Variants in SNTB1 observed in about 807,000 individuals in gnomAD.
SNTB1 encodes syntrophin beta 1.
SNTB1 carries 36 observed loss-of-function variants against 48.9 expected under a neutral mutation model. That is an observed-to-expected ratio of 0.74 (90% CI 0.56 to 0.97). The LOEUF (loss-of-function observed/expected upper bound fraction) is 0.97. Among genes scored for constraint, SNTB1 ranks in the 50% least tolerant of loss-of-function variants. The pLI is 0.00. For missense variants in SNTB1, 786 were observed against 703.4 expected (o/e 1.12, Z -1.33); for synonymous variants, 299 against 294.6 (o/e 1.01, Z -0.15).
chr8:120,786,308 C>A (rs559723538), intron 1 of SNTB1, among the ~76,000 whole-genome samples: 1 of 152,312 alleles, frequency 6.6e-6, no homozygotes, highest in East Asian at 1.9e-4. Context: ...AGGCCTTGCA[C>A]CCCTGCACTT....
rs567885933 is a variant in SNTB1 at position 120,615,934 on chromosome 8, A to G, written c.996+16510T>C. 2.0e-5 allele frequency among the ~76,000 whole-genome samples: 3 copies of G among 151,680 alleles called. No individual in the cohort carries two copies. The East Asian group carries it at 5.8e-4, about 29-fold the overall frequency. ...CTTTATCTTTTCTTCTTTCTTTCCT[A>G]CCAATTTTTTCCTTAACTGGATGTA... On this transcript the variant is annotated intron_variant, in intron 3 of 6. Coordinates refer to ENST00000517992, the MANE Select transcript of SNTB1 (RefSeq NM_021021.4).
chr8:120,611,641 TG>T (rs1816624846), intron 3 of SNTB1, among the ~76,000 whole-genome samples: 1 of 151,618 alleles, frequency 6.6e-6, no homozygotes, highest in South Asian at 2.1e-4. Flanking sequence ...GCTAACACGG[TG>T]AAACCCCATT....
At chr8:120,811,154 AC>A (rs1820420730) in intron 1 of SNTB1, 118 bp downstream of exon 1, 1 of 1,296,304 alleles carries the variant, frequency 7.7e-7, no homozygotes, top group African/African-American at 1.5e-5. Flanking sequence ...ACACACACAC[AC>A]CCGGCCCCCT....
chr8:120,558,493 C>T (rs1397315712), intron 4 of SNTB1, among the ~76,000 whole-genome samples: 1 of 152,174 alleles, frequency 6.6e-6, no homozygotes, highest in Non-Finnish European at 1.5e-5. Flanking sequence ...AACACATTCC[C>T]ATGGTTGGAA....
At chr8:120,774,624 G>C (rs1017520053) in intron 1 of SNTB1, among the ~76,000 whole-genome samples, 1 of 152,078 alleles carries the variant, frequency 6.6e-6, no homozygotes, top group Admixed American at 6.6e-5. Flanking sequence ...CCAAAGAAGA[G>C]GAGGGTTTGT....
chr8:120,702,938 TA>T (rs1433036461), intron 1 of SNTB1, among the ~76,000 whole-genome samples: 1 of 152,216 alleles, frequency 6.6e-6, no homozygotes, highest in Admixed American at 6.5e-5. Context: ...GTTATAAGGT[TA>T]TGAGGATTAA....
chr8:120,735,838 A>T (rs1563584654), intron 1 of SNTB1, among the ~76,000 whole-genome samples: 1 of 152,228 alleles, frequency 6.6e-6, no homozygotes, highest in Admixed American at 6.5e-5. Context: ...AACAGGCAGG[A>T]GGCAGGAAGA....
In SNTB1 at chr8:120,596,220, A is replaced by T. The variant is rs187631628; in HGVS notation, c.997-20995T>A. Among the ~76,000 whole-genome samples, 17 of 152,330 alleles carry T rather than the reference A, an allele frequency of 1.1e-4. No individual in the cohort carries two copies. In the East Asian group the frequency reaches 3.3e-3, roughly 29 times the overall value. On this transcript the variant is annotated intron_variant, in intron 3 of 6. Coordinates refer to ENST00000517992, the MANE Select transcript of SNTB1 (RefSeq NM_021021.4). ...ATTTTCCAGTGTCTCTCTACATAACATGCATACATTAAGGCACACATTCAC... is the reference window on the plus strand; with the variant it reads ...ATTTTCCAGTGTCTCTCTACATAACTTGCATACATTAAGGCACACATTCAC...
Position 120,811,721 on chromosome 8 carries a change from C to G in SNTB1, c.123G>C (p.Leu41Phe). ...RDRWHKVLVN[L>F]SEDALVLSSE... ...TGCTCAGAACCAGGGCGTCCTCGCT[C>G]AAGTTCACCAGAACTTTGTGCCAGC... Residue 41 changes from leucine (L) to phenylalanine (F), a missense_variant, in exon 1 of 7, where the codon TTG becomes TTC. Physicochemically the swap from Leu to Phe is conservative, Grantham distance 22. Coordinates refer to ENST00000517992, the MANE Select transcript of SNTB1 (RefSeq NM_021021.4). The G allele has an allele frequency of 1.3e-6, 2 of 1,574,226 alleles. No individual in the cohort carries two copies. The highest frequency in any genetic ancestry group is 1.2e-5 in the South Asian group (1 of 86,766).
chr8:120,748,676 C>A (rs887923606), intron 1 of SNTB1, among the ~76,000 whole-genome samples: 4 of 152,154 alleles, frequency 2.6e-5, no homozygotes, highest in African/African-American at 9.7e-5. Context: ...ATGGAAATTT[C>A]TTCTAGGGGT....
chr8:120,636,049 G>GC, intron 2 of SNTB1: 2 of 921,478 alleles, frequency 2.2e-6, no homozygotes, highest in South Asian at 2.3e-5. Context: ...AGAACTCAAG[G>GC]CTTTTTTTTT....
chr8:120,772,517 GATT>G (rs1819655378), intron 1 of SNTB1, among the ~76,000 whole-genome samples: 1 of 152,182 alleles, frequency 6.6e-6, no homozygotes. Flanking sequence ...AAAGTGCTAG[GATT>G]ACAGGTGTGA....
intron 1 of SNTB1, among the ~76,000 whole-genome samples, chr8:120,735,907 A>T (rs1818934103): frequency 6.6e-6 from 1 of 152,202 alleles, no homozygotes; most frequent in Admixed American, 6.5e-5. Context: ...TTTTTATTGT[A>T]AACTCTGTTC....
intron 2 of SNTB1, among the ~76,000 whole-genome samples, chr8:120,644,207 A>G (rs1563839984): frequency 6.6e-6 from 1 of 150,718 alleles, no homozygotes; most frequent in Non-Finnish European, 1.5e-5. Flanking sequence ...ACATGTGCAC[A>G]TTGTGCAGGT....
At chr8:120,634,733 C>G (rs754311914) in intron 2 of SNTB1, among the ~76,000 whole-genome samples, 3 of 152,078 alleles carry the variant, frequency 2.0e-5, no homozygotes, top group African/African-American at 7.2e-5. Context: ...GCCTTGTTAA[C>G]ATTTGAAACC....
intron 2 of SNTB1, among the ~76,000 whole-genome samples, chr8:120,652,237 G>A (rs943004845): frequency 1.3e-5 from 2 of 152,202 alleles, no homozygotes; most frequent in Admixed American, 6.5e-5. Context: ...CTGGTAACAG[G>A]CTTTATCCTC....
rs1194933350 is a variant in SNTB1 at position 120,538,268 on chromosome 8, G to C, written c.*609C>G. The C allele has an allele frequency of 1.0e-5, 2 of 199,720 alleles. No homozygotes were observed. The highest frequency in any genetic ancestry group is 2.1e-4 in the East Asian group (2 of 9,650). 12.4% of individuals were successfully genotyped at this position (199,720 alleles called of 1,614,324 possible). On this transcript the variant is annotated 3_prime_UTR_variant, in exon 7 of 7. Transcript: ENST00000517992. ...AATTCCTGCTCAGTATATGCTAATG[G>C]AGACACTTTGGAATCATTCTACACC...
chr8:120,684,854 C>A (rs1438138210), intron 2 of SNTB1, among the ~76,000 whole-genome samples: 1 of 152,080 alleles, frequency 6.6e-6, no homozygotes, highest in Non-Finnish European at 1.5e-5. Context: ...TGGAGTTTCA[C>A]CACGTTGGCC....
At chr8:120,779,271 G>A (rs34385297) in intron 1 of SNTB1, among the ~76,000 whole-genome samples, 4,439 of 152,260 alleles carry the variant, frequency 0.029, 92 homozygotes, top group Middle Eastern at 0.075. Context: ...TTGGGAGGTC[G>A]AGGTAGGCAG....
Sources: gnomAD v4.1 joint callset for allele counts (sites outside exome capture counted in the v4.1 genomes callset) on GRCh38, gnomAD v4.1.1 for gene constraint, MANE v1.5 for transcripts, NCBI Gene and HGNC (gene_info 2026-07-23, HGNC 2026-07-21) for gene names.